EOGT: variants seen among roughly 807,000 people sequenced by gnomAD.
EOGT encodes the protein EGF domain-specific O-linked N-acetylglucosamine transferase.
In EOGT, 55 loss-of-function variants were observed where a neutral mutation model predicts 70.5. The ratio of observed to expected loss-of-function variants is 0.78; its 90% CI spans 0.63 to 0.98. The LOEUF is 0.98. Ranked by LOEUF, EOGT falls within the 50% of genes least tolerant of loss-of-function variation. The pLI is 0.00. For synonymous variants in EOGT, 246 were observed against 217.1 expected (o/e 1.13, Z -1.17); for missense variants, 703 against 641.9 (o/e 1.10, Z -1.03).
intron 14 of EOGT, among the ~76,000 whole-genome samples, chr3:68,986,586 G>A (rs1200284492): frequency 6.6e-6 from 1 of 152,122 alleles, no homozygotes; most frequent in African/African-American, 2.4e-5. Flanking sequence ...GACTCTGCCC[G>A]AGAGGCTCTC....
intron 10 of EOGT, among the ~76,000 whole-genome samples, chr3:68,995,813 G>A (rs2107289765): frequency 6.6e-6 from 1 of 152,262 alleles, no homozygotes; most frequent in South Asian, 2.1e-4. Context: ...CTGGGGTCAG[G>A]CTGCCTGGAT....
chr3:69,003,984 T>C (rs1320077081), intron 8 of EOGT, among the ~76,000 whole-genome samples: 1 of 152,238 alleles, frequency 6.6e-6, no homozygotes, highest in Non-Finnish European at 1.5e-5. Context: ...GTAATACTTC[T>C]ACCTTGGCCT....
At chr3:68,995,293 T>C (rs1243654439) in intron 10 of EOGT, among the ~76,000 whole-genome samples, 1 of 152,150 alleles carries the variant, frequency 6.6e-6, no homozygotes, top group African/African-American at 2.4e-5. Flanking sequence ...CCATCCAACC[T>C]ACCCTGTGGA....
chr3:68,988,982 T>C lies in EOGT; in HGVS notation c.867A>G (p.Thr289=). 4 of 1,532,862 alleles carry C rather than the reference T, an allele frequency of 2.6e-6. No homozygotes were observed. The highest frequency in any genetic ancestry group is 1.4e-5 in the African/African-American group (1 of 73,026). 95.0% of individuals were successfully genotyped at this position (1,532,862 alleles called of 1,614,324 possible). Residue 289 remains threonine, a synonymous_variant, in exon 11 of 18, where the codon ACA becomes ACG. Coordinates refer to ENST00000383701, the MANE Select transcript of EOGT (RefSeq NM_001278689.2). The stretch of plus-strand genomic sequence containing the variant: ...CGTCATAATCAGTAAATGCATTCCA[T>C]GTGTCGGAGAATAGGTCACCATATC... ...SYGYGDLFSD[T]WNAFTDYDVI... is the part of the protein sequence containing the mutation.
At position 68,988,341 on chromosome 3, in the gene EOGT, G is replaced by A; in HGVS notation, c.1037C>T (p.Ala346Val). ...CQNTGLFRAF[A>V]QHVLHRLNIT... ...GTTTAGTCTGTGTAGTACATGCTGG[G>A]CAAATGCCCTGAATAGTCCAGTATT... Residue 346 changes from alanine (A) to valine (V), a missense_variant, in exon 13 of 18, where the codon GCC becomes GTC. Transcript: ENST00000383701. The A allele has an allele frequency of 6.5e-7, 1 of 1,536,022 alleles. No individual in the cohort carries two copies.
chr3:69,012,088 T>C (rs1218860804), intron 2 of EOGT, 97 bp from the exon 3 acceptor site: 1 of 152,002 alleles, frequency 6.6e-6, no homozygotes, highest in Non-Finnish European at 1.5e-5. Context: ...AGAAAGAAAA[T>C]AATGTAACGT....
intron 15 of EOGT, among the ~76,000 whole-genome samples, chr3:68,981,642 T>A (rs143532490): frequency 6.6e-6 from 1 of 152,338 alleles, no homozygotes; most frequent in African/African-American, 2.4e-5. Context: ...ATAATAGGCA[T>A]ATTCTGTCTT....
chr3:68,996,828 T>C (rs1029663491), intron 10 of EOGT, among the ~76,000 whole-genome samples: 15 of 152,252 alleles, frequency 9.9e-5, no homozygotes, highest in African/African-American at 3.4e-4. Context: ...GAACCTTATA[T>C]GACCCCTTGG....
At chr3:69,008,589 T>C in intron 4 of EOGT, 61 bp from the exon 5 acceptor site, 1 of 1,212,056 alleles carries the variant, frequency 8.3e-7, no homozygotes, top group South Asian at 1.3e-5. Context: ...ACTCTTAGAT[T>C]TTTCCATTAA....
At chr3:68,980,291 C>G (rs1575706285) in intron 15 of EOGT, among the ~76,000 whole-genome samples, 1 of 152,224 alleles carries the variant, frequency 6.6e-6, no homozygotes, top group East Asian at 1.9e-4. Context: ...AGAAACATTT[C>G]TCCTTGTGTG....
intron 9 of EOGT, 86 bp from the exon 10 acceptor site, chr3:68,998,200 T>G: frequency 1.3e-6 from 1 of 741,932 alleles, no homozygotes; most frequent in South Asian, 1.7e-5. Flanking sequence ...TATTTACAGT[T>G]TAAGAGAATT....
rs560607406 is a variant in EOGT at position 69,005,184 on chromosome 3, G to T, written c.471C>A (p.Thr157=). 3 of 1,606,534 alleles carry T rather than the reference G, an allele frequency of 1.9e-6. No individual in the cohort carries two copies. Among genetic ancestry groups the T allele is most frequent in the Admixed American group, 1.7e-5 (1 of 59,810 alleles). ...TGTTTCTTAAATCAAGATAGAGATT[G>T]GTTGCTCTGCAGTACTGAAGATAAC... The part of the protein sequence containing the change: ...CSRYLQYCRA[T]NLYLDLRNIK... The change falls in exon 7 of 18, where the codon ACC becomes ACA. Residue 157 remains threonine (T), a synonymous_variant. Transcript: ENST00000383701.
At chr3:68,999,232 C>A (rs947313848) in intron 9 of EOGT, among the ~76,000 whole-genome samples, 2 of 152,184 alleles carry the variant, frequency 1.3e-5, no homozygotes, top group Admixed American at 6.5e-5. Context: ...CAGTGCCAGG[C>A]ACATAGGAAG....
chr3:68,984,786 C>T (rs1260064410), intron 14 of EOGT, among the ~76,000 whole-genome samples: 1 of 152,174 alleles, frequency 6.6e-6, no homozygotes, highest in Non-Finnish European at 1.5e-5. Flanking sequence ...CAGCACTATA[C>T]CTTTCTACTG....
At chr3:68,990,703 T>TA (rs1377380436) in intron 10 of EOGT, among the ~76,000 whole-genome samples, 1 of 152,200 alleles carries the variant, frequency 6.6e-6, no homozygotes, top group Admixed American at 6.5e-5. Flanking sequence ...GAAGATCAAT[T>TA]AATTTTTAAA....
Position 69,007,818 on chromosome 3 carries a change from C to G in EOGT, c.315G>C (p.Thr105=). 6.3e-7 allele frequency: 1 copy of G among 1,592,946 alleles called. No homozygotes were observed. ...TGTCCTCAGCTGACTCAAGAGTGTCCGTCCTATTTGCAAATAAAAATATTC... is the reference window on the plus strand; with the variant it reads ...TGTCCTCAGCTGACTCAAGAGTGTCGGTCCTATTTGCAAATAAAAATATTC... ...PVCSYVDMGW[T]DTLESAEDIF... Residue 105 remains threonine, a synonymous_variant, in exon 6 of 18, where the codon ACG becomes ACC. Transcript: ENST00000383701.
chr3:68,989,865 T>C lies in EOGT; in HGVS notation c.832-848A>G, dbSNP rs1018871992. 4.1e-4 allele frequency among the ~76,000 whole-genome samples: 62 copies of C among 151,816 alleles called. 1 individual carries two copies. Among genetic ancestry groups the C allele is most frequent in the African/African-American group, 1.4e-3 (60 of 41,430 alleles). ...GCAAAGTGGGAGGATCACTTGAGCC[T>C]TGAAGTTTAAGGCTGCAGTGAGCTA... On this transcript the variant is annotated intron_variant, in intron 10 of 17. Transcript: ENST00000383701.
At chr3:68,993,327 T>TA (rs1401159533) in intron 10 of EOGT, among the ~76,000 whole-genome samples, 1 of 152,152 alleles carries the variant, frequency 6.6e-6, no homozygotes. Flanking sequence ...CCAAATACCC[T>TA]AAATCATCTC....
intron 10 of EOGT, among the ~76,000 whole-genome samples, chr3:68,996,709 A>T (rs1011901187): frequency 4.6e-5 from 7 of 152,194 alleles, no homozygotes; most frequent in Non-Finnish European, 8.8e-5. Flanking sequence ...TCTGGAAGAA[A>T]CACCTGAGGC....
Sources: allele counts gnomAD v4.1 joint callset (sites outside exome capture counted in the v4.1 genomes callset), GRCh38; gene constraint gnomAD v4.1.1; transcripts MANE v1.5; gene names NCBI Gene and HGNC (gene_info 2026-07-23, HGNC 2026-07-21).